Variants in HIF1A observed in about 807,000 individuals in gnomAD.
HIF1A encodes the protein hypoxia-inducible factor 1-alpha.
A neutral mutation model predicts 92.7 loss-of-function variants in HIF1A; 24 were observed. That is an observed-to-expected ratio of 0.26 (90% CI 0.19 to 0.36). The LOEUF is 0.36. Among genes scored for constraint, HIF1A ranks in the 10% least tolerant of loss-of-function variants. HIF1A has a pLI of 1.00. For synonymous variants in HIF1A, 319 were observed against 338.7 expected (o/e 0.94, Z 0.64); for missense variants, 799 against 998.5 (o/e 0.80, Z 2.69).
At chr14:61,700,305 T>C (rs1163722012) in intron 1 of HIF1A, among the ~76,000 whole-genome samples, 4 of 152,134 alleles carry the variant, frequency 2.6e-5, no homozygotes. Context: ...CAACTCCCAA[T>C]TTCCCCCTCT....
rs763339901 is a variant in HIF1A, at chr14:61,734,127, T to C, written c.881-11T>C. 2 of 1,515,406 alleles carry C rather than the reference T, an allele frequency of 1.3e-6. No individual in the cohort carries two copies. Among genetic ancestry groups the C allele is most frequent in the Non-Finnish European group, 1.8e-6 (2 of 1,129,068 alleles). 93.9% of individuals were successfully genotyped at this position (1,515,406 alleles called of 1,614,324 possible). ...TTTTCTCTGCATGATTCTTTTTCTT[T>C]TCCCCCCTAGTGTTTACTAAAGGAC... On this transcript the variant is annotated splice_polypyrimidine_tract_variant and intron_variant, in intron 7 of 14. Transcript: ENST00000337138.
At chr14:61,711,207 CTTTTTTTTTT>C (rs10615564) in intron 1 of HIF1A, among the ~76,000 whole-genome samples, 1 of 86,124 alleles carries the variant, frequency 1.2e-5, no homozygotes, top group Non-Finnish European at 2.2e-5. Context: ...TTAAGTATTC[CTTTTTTTTTT>C]TTTTTTTTTT....
At chr14:61,695,936 G>T (rs1008703047) in intron 1 of HIF1A, 97 bp downstream of exon 1, 3 of 1,099,430 alleles carry the variant, frequency 2.7e-6, no homozygotes, top group Non-Finnish European at 3.9e-6. Context: ...TAATGGGATT[G>T]GGGGGGGCAG....
intron 14 of HIF1A, among the ~76,000 whole-genome samples, chr14:61,746,224 C>CA (rs912286333): frequency 0.14 from 9,920 of 69,372 alleles, 699 homozygotes; most frequent in South Asian, 0.28. Flanking sequence ...GACTCTGCCT[C>CA]AAAAAAAAAA....
chr14:61,729,695 C>G (rs1006070185), intron 6 of HIF1A, among the ~76,000 whole-genome samples: 1 of 151,594 alleles, frequency 6.6e-6, no homozygotes, highest in East Asian at 1.9e-4. Flanking sequence ...TTTTTGAAAA[C>G]TTAAGGTAAC....
chr14:61,746,480 C>G (rs1181581097), intron 14 of HIF1A, among the ~76,000 whole-genome samples: 8 of 145,680 alleles, frequency 5.5e-5, no homozygotes, highest in Non-Finnish European at 1.0e-4. Context: ...TCACTGCAGT[C>G]TCAAACTCCT....
Position 61,741,017 on chromosome 14 carries a change from C to T in HIF1A, c.1922C>T (p.Ser641Phe), listed in dbSNP as rs770336870. ...GAAGACATTAAAATATTGATTGCAT[C>T]TCCATCTCCTACCCACATACATAAA... ...RMEDIKILIA[S>F]PSPTHIHKET... Residue 641 changes from serine to phenylalanine, a missense_variant, in exon 12 of 15, where the codon TCT becomes TTT. Physicochemically the swap from Ser to Phe is radical, Grantham distance 155 (BLOSUM62 -2). Transcript: ENST00000337138. 1 of 1,614,008 alleles carries T rather than the reference C, an allele frequency of 6.2e-7. No individual in the cohort carries two copies. The highest frequency in any genetic ancestry group is 1.3e-5 in the African/African-American group (1 of 74,926).
intron 2 of HIF1A, 34 bp downstream of exon 2, chr14:61,720,606 A>C: frequency 3.8e-6 from 5 of 1,330,958 alleles, no homozygotes. Context: ...AATAGGCCTG[A>C]AAATTAGAAG....
chr14:61,731,221 A>C (rs915164941), intron 6 of HIF1A, among the ~76,000 whole-genome samples: 1 of 152,092 alleles, frequency 6.6e-6, no homozygotes, highest in East Asian at 1.9e-4. Flanking sequence ...CCTCGGTAGG[A>C]AAGTCCTCTG....
intron 1 of HIF1A, among the ~76,000 whole-genome samples, chr14:61,713,666 C>G (rs1416789253): frequency 6.6e-6 from 1 of 152,318 alleles, no homozygotes; most frequent in African/African-American, 2.4e-5. Flanking sequence ...CTACACATCT[C>G]TTCATGTGTA....
chr14:61,722,609 A>G lies in HIF1A; in HGVS notation c.457+786A>G, dbSNP rs117463330. ...AATGGCAGATAATAGGACTTTAGACAGTCATTAAAGTTGAGGTGCCAGTTT... is the reference window on the plus strand; with the variant it reads ...AATGGCAGATAATAGGACTTTAGACGGTCATTAAAGTTGAGGTGCCAGTTT... On this transcript the variant is annotated intron_variant, in intron 4 of 14. Transcript: ENST00000337138. Among the ~76,000 whole-genome samples the G allele has an allele frequency of 1.3e-3, 200 of 152,354 alleles. 4 individuals are homozygous for G. In the East Asian group the frequency reaches 0.034, roughly 26 times the overall value.
At chr14:61,733,822 GC>G (rs1481965301) in intron 7 of HIF1A, among the ~76,000 whole-genome samples, 2 of 152,144 alleles carry the variant, frequency 1.3e-5, no homozygotes, top group East Asian at 3.8e-4. Flanking sequence ...CTTGAAAAAG[GC>G]TATTGATTAT....
intron 12 of HIF1A, 128 bp from the exon 13 acceptor site, chr14:61,744,577 A>G: frequency 2.2e-6 from 1 of 456,122 alleles, no homozygotes; most frequent in Non-Finnish European, 4.0e-6. Context: ...TGATCAGGAA[A>G]GTTATCTTAT....
chr14:61,727,116 A>G (rs1419537833), intron 5 of HIF1A, among the ~76,000 whole-genome samples: 3 of 152,220 alleles, frequency 2.0e-5, no homozygotes, highest in African/African-American at 7.2e-5. Flanking sequence ...TTTTCTATTA[A>G]TCATGGTTTT....
chr14:61,737,793 G>A (rs1014200073), intron 9 of HIF1A, among the ~76,000 whole-genome samples: 6 of 152,160 alleles, frequency 3.9e-5, no homozygotes, highest in Non-Finnish European at 5.9e-5. Context: ...TTGGGAGGCC[G>A]AGGCGGGTGG....
Position 61,732,404 on chromosome 14 carries a change from T to A in HIF1A, c.774-14T>A. 1 of 1,559,306 alleles carries A rather than the reference T, an allele frequency of 6.4e-7. No homozygotes were observed. The highest frequency in any genetic ancestry group is 8.8e-7 in the Non-Finnish European group (1 of 1,135,116). On this transcript the variant is annotated splice_polypyrimidine_tract_variant and intron_variant, in intron 6 of 14. Coordinates refer to ENST00000337138, the MANE Select transcript of HIF1A (RefSeq NM_001530.4). ...TCCCTTTTTTTTCTTAAATCTTGTA[T>A]TTTTTACTAACAGAATTACCGAATT...
Position 61,709,022 on chromosome 14 carries a change from C to T in HIF1A, c.36-11360C>T, listed in dbSNP as rs556621307. 2.0e-3 allele frequency among the ~76,000 whole-genome samples: 312 copies of T among 152,212 alleles called. 1 individual carries two copies. The highest frequency in any genetic ancestry group is 2.5e-3 in the Non-Finnish European group (169 of 67,996). On this transcript the variant is annotated intron_variant, in intron 1 of 14. Coordinates refer to ENST00000337138, the MANE Select transcript of HIF1A (RefSeq NM_001530.4). ...AGTTGATTCTCCTGCCTCAGCCTCC[C>T]GAGTAGCTGGGGTTACAGGCACGTG...
intron 1 of HIF1A, among the ~76,000 whole-genome samples, chr14:61,716,481 G>C (rs1423328275): frequency 6.6e-6 from 1 of 152,134 alleles, no homozygotes; most frequent in Admixed American, 6.6e-5. Flanking sequence ...ATTTTAAATA[G>C]TTATGGTTTA....
At position 61,727,509 on chromosome 14, in the gene HIF1A, G is replaced by T; in HGVS notation, c.627G>T (p.Gln209His). The T allele has an allele frequency of 6.2e-7, 1 of 1,613,738 alleles. No individual in the cohort carries two copies. The highest frequency in any genetic ancestry group is 8.5e-7 in the Non-Finnish European group (1 of 1,179,848). The change falls in exon 6 of 15, where the codon CAG becomes CAT. Residue 209 changes from glutamine to histidine, a missense_variant. Gln to His is a conservative substitution (Grantham distance 24, BLOSUM62 0). Around this residue, in one of 2 missense-constraint regions of HIF1A, gnomAD observed 516 missense variants for 721.0 expected, o/e 0.72. Transcript: ENST00000337138. ...HVYDTNSNQPQCGYKKPPMTC... is the reference protein window; with the variant it reads ...HVYDTNSNQPHCGYKKPPMTC... ...ATGATACCAACAGTAACCAACCTCAGTGTGGGTATAAGAAACCACCTATGA... is the reference window on the plus strand; with the variant it reads ...ATGATACCAACAGTAACCAACCTCATTGTGGGTATAAGAAACCACCTATGA...
Sources: gnomAD v4.1 joint callset for allele counts (sites outside exome capture counted in the v4.1 genomes callset) on GRCh38, gnomAD v4.1.1 for gene constraint, gnomAD v4.1.1 regional missense constraint, MANE v1.5 for transcripts, NCBI Gene and HGNC (gene_info 2026-07-23, HGNC 2026-07-21) for gene names.